CISD2: variants seen among roughly 807,000 people sequenced by gnomAD.
CISD2 encodes CDGSH iron sulfur domain 2, also known as CDGSH iron-sulfur domain-containing protein 2.
CISD2 carries 1 observed loss-of-function variant against 12.9 expected under a neutral mutation model. The ratio of observed to expected loss-of-function variants is 0.08; its 90% CI spans 0.03 to 0.37. The LOEUF (loss-of-function observed/expected upper bound fraction) is 0.37, where lower values mean the gene tolerates loss of function less well. CISD2 is among the 10% of genes least tolerant of loss of function. The probability of loss-of-function intolerance (pLI) is 0.99; values close to 1 mark genes in which losing one functional copy is unlikely to be tolerated. For synonymous variants in CISD2, 50 were observed against 60.6 expected (o/e 0.83, Z 0.81); for missense variants, 97 against 163.1 (o/e 0.59, Z 2.21).
chr4:102,870,248 T>C (rs2110390473), intron 1 of CISD2, among the ~76,000 whole-genome samples: 1 of 152,280 alleles, frequency 6.6e-6, no homozygotes, highest in South Asian at 2.1e-4. Context: ...AATATAGAAC[T>C]GATAACAAAT....
intron 1 of CISD2, among the ~76,000 whole-genome samples, chr4:102,880,295 A>G (rs1733684922): frequency 6.6e-6 from 1 of 152,168 alleles, no homozygotes; most frequent in African/African-American, 2.4e-5. Flanking sequence ...AGATGCAGCC[A>G]TTAAAATTTA....
intron 1 of CISD2, among the ~76,000 whole-genome samples, chr4:102,872,439 A>C (rs907169659): frequency 8.5e-5 from 13 of 152,208 alleles, no homozygotes; most frequent in African/African-American, 2.4e-4. Context: ...TACAGTTAAG[A>C]AATAGAAATA....
chr4:102,882,310 A>G (rs1363138248), intron 1 of CISD2, among the ~76,000 whole-genome samples: 1 of 152,240 alleles, frequency 6.6e-6, no homozygotes, highest in Non-Finnish European at 1.5e-5. Context: ...ATGTTATTCT[A>G]CATTGAACAA....
At chr4:102,885,765 C>G (rs892570153) in intron 2 of CISD2, among the ~76,000 whole-genome samples, 1 of 152,138 alleles carries the variant, frequency 6.6e-6, no homozygotes, top group African/African-American at 2.4e-5. Flanking sequence ...GTCAAATATA[C>G]TTGTCACAGT....
intron 1 of CISD2, 140 bp from the exon 2 acceptor site, chr4:102,885,072 GTTAT>G: frequency 1.4e-6 from 1 of 705,712 alleles, no homozygotes; most frequent in South Asian, 1.5e-5. Context: ...GCTTTATTGT[GTTAT>G]TTATTCACAG....
chr4:102,891,874 A>C lies in CISD2; in HGVS notation c.*4444A>C, dbSNP rs1224208976. The C allele has an allele frequency of 6.6e-6, 1 of 152,174 alleles. No homozygotes were observed. Among genetic ancestry groups the C allele is most frequent in the Non-Finnish European group, 1.5e-5 (1 of 68,020 alleles). 9.4% of individuals were successfully genotyped at this position (152,174 alleles called of 1,614,324 possible). On this transcript the variant is annotated 3_prime_UTR_variant, in exon 3 of 3. Coordinates refer to ENST00000273986, the MANE Select transcript of CISD2 (RefSeq NM_001008388.5). Reference sequence around the variant, plus strand: ...TGTGCAGCAGTTCTGTGACTCCCTCAACATCCGGTTGGCCATATAGTCCCT... The same window carrying C: ...TGTGCAGCAGTTCTGTGACTCCCTCCACATCCGGTTGGCCATATAGTCCCT...
At position 102,869,199 on chromosome 4, in the gene CISD2, C is replaced by A; in HGVS notation, c.103+12C>A. On this transcript the variant is annotated intron_variant, in intron 1 of 2. Coordinates refer to ENST00000273986, the MANE Select transcript of CISD2 (RefSeq NM_001008388.5). ...CGCTAGGCTCACAGGTAATCCTCCC[C>A]CATCAGCCAGTCCCCATCCTTGCAC... 1 of 1,595,954 alleles carries A rather than the reference C, an allele frequency of 6.3e-7. No homozygotes were observed.
intron 1 of CISD2, among the ~76,000 whole-genome samples, chr4:102,880,547 G>A (rs1361929488): frequency 5.9e-5 from 9 of 151,870 alleles, no homozygotes; most frequent in Admixed American, 2.0e-4. Context: ...GTGTGGTGGC[G>A]CACGTCCATA....
chr4:102,869,401 T>C (rs753411899), intron 1 of CISD2: 15 of 721,320 alleles, frequency 2.1e-5, no homozygotes, highest in South Asian at 2.1e-4. Context: ...TCTTTTGTCC[T>C]CGGAGTTGTC....
At chr4:102,873,031 T>A (rs223329) in intron 1 of CISD2, among the ~76,000 whole-genome samples, 87,461 of 151,950 alleles carry the variant, frequency 0.58, 26,457 homozygotes, top group African/African-American at 0.78. Context: ...TGGCAGGAAG[T>A]AGTGCCGAGC....
rs1223068491 is a variant in CISD2 at position 102,889,012 on chromosome 4, T to A, written c.*1582T>A. On this transcript the variant is annotated 3_prime_UTR_variant, in exon 3 of 3. Transcript: ENST00000273986. ...TCCTTCTAGAAATAAAACTAATTGT[T>A]ATTGGGCACTTGTATGTACCAGACA... 1 of 152,236 alleles carries A rather than the reference T, an allele frequency of 6.6e-6. No individual in the cohort carries two copies. Among genetic ancestry groups the A allele is most frequent in the Non-Finnish European group, 1.5e-5 (1 of 68,036 alleles). 9.4% of individuals were successfully genotyped at this position (152,236 alleles called of 1,614,324 possible).
intron 1 of CISD2, among the ~76,000 whole-genome samples, chr4:102,870,693 T>C (rs1560900668): frequency 6.6e-6 from 1 of 152,234 alleles, no homozygotes; most frequent in African/African-American, 2.4e-5. Flanking sequence ...CTTTTGATCC[T>C]ACCAGTTTAC....
At chr4:102,879,946 T>A (rs761814198) in intron 1 of CISD2, among the ~76,000 whole-genome samples, 2 of 152,098 alleles carry the variant, frequency 1.3e-5, no homozygotes, top group Non-Finnish European at 2.9e-5. Context: ...ATTTTTTATT[T>A]TTTTTATTTT....
At chr4:102,872,630 G>T (rs1283597915) in intron 1 of CISD2, among the ~76,000 whole-genome samples, 3 of 152,178 alleles carry the variant, frequency 2.0e-5, no homozygotes, top group Non-Finnish European at 2.9e-5. Context: ...TCCTCATTAA[G>T]ATCGGAGTTT....
At chr4:102,880,202 C>T (rs1733682677) in intron 1 of CISD2, among the ~76,000 whole-genome samples, 1 of 152,176 alleles carries the variant, frequency 6.6e-6, no homozygotes, top group Admixed American at 6.5e-5. Flanking sequence ...CCTCAGCCTC[C>T]CTTAGTGCTG....
intron 1 of CISD2, among the ~76,000 whole-genome samples, chr4:102,870,391 CAAAA>C (rs1733405033): frequency 6.6e-6 from 1 of 151,810 alleles, no homozygotes; most frequent in Non-Finnish European, 1.5e-5. Flanking sequence ...AAAAAACAAA[CAAAA>C]AGACTCTGGT....
At chr4:102,869,610 A>G (rs2110389867) in intron 1 of CISD2, 3 of 682,728 alleles carry the variant, frequency 4.4e-6, no homozygotes, top group East Asian at 2.7e-5. Flanking sequence ...TACCCTCAGC[A>G]TGTGGGTGGG....
At chr4:102,886,519 A>G (rs72935548) in intron 2 of CISD2, among the ~76,000 whole-genome samples, 2,796 of 152,232 alleles carry the variant, frequency 0.018, 78 homozygotes, top group African/African-American at 0.061. Flanking sequence ...AATACACACA[A>G]TAAATGCATA....
chr4:102,875,419 G>A (rs1560902386), intron 1 of CISD2, among the ~76,000 whole-genome samples: 1 of 152,224 alleles, frequency 6.6e-6, no homozygotes, highest in East Asian at 1.9e-4. Flanking sequence ...AACAGGGAGT[G>A]TGTTTTATAA....
Sources: allele counts gnomAD v4.1 joint callset (sites outside exome capture counted in the v4.1 genomes callset), GRCh38; gene constraint gnomAD v4.1.1; transcripts MANE v1.5; gene names NCBI Gene and HGNC (gene_info 2026-07-23, HGNC 2026-07-21).